THEMIS: variants seen among roughly 807,000 people sequenced by gnomAD.
THEMIS encodes the protein protein THEMIS.
A neutral mutation model predicts 52.6 loss-of-function variants in THEMIS; 37 were observed. That is an observed-to-expected ratio of 0.70 (90% CI 0.54 to 0.93). THEMIS has a LOEUF of 0.93. Ranked by LOEUF, THEMIS falls within the 40% of genes least tolerant of loss-of-function variation. THEMIS has a pLI of 0.00. For synonymous variants in THEMIS, 292 were observed against 272.7 expected (o/e 1.07, Z -0.70); for missense variants, 808 against 763.1 (o/e 1.06, Z -0.69).
At chr6:127,714,104 G>A (rs1774076228) in intron 5 of THEMIS, among the ~76,000 whole-genome samples, 1 of 151,838 alleles carries the variant, frequency 6.6e-6, no homozygotes, top group Admixed American at 6.6e-5. Context: ...TGATAAGTGA[G>A]AAGAAATGAA....
chr6:127,916,942 A>G (rs1781539664), intron 1 of THEMIS, among the ~76,000 whole-genome samples: 1 of 152,260 alleles, frequency 6.6e-6, no homozygotes, highest in Admixed American at 6.5e-5. Flanking sequence ...ATGTTAATGG[A>G]CAGTACACTT....
chr6:127,780,033 A>T (rs1776691794), intron 4 of THEMIS, among the ~76,000 whole-genome samples: 1 of 152,170 alleles, frequency 6.6e-6, no homozygotes, highest in Non-Finnish European at 1.5e-5. Flanking sequence ...GTGGGAGTCT[A>T]AGTCTCTTTG....
chr6:127,835,772 A>G (rs1778855968), intron 2 of THEMIS, among the ~76,000 whole-genome samples: 1 of 152,186 alleles, frequency 6.6e-6, no homozygotes, highest in African/African-American at 2.4e-5. Context: ...GATAATTTCC[A>G]CAGATTTCAC....
At chr6:127,833,411 G>T (rs1488904833) in intron 2 of THEMIS, among the ~76,000 whole-genome samples, 1 of 152,136 alleles carries the variant, frequency 6.6e-6, no homozygotes, top group South Asian at 2.1e-4. Context: ...GACAATGAAA[G>T]AAATATTATT....
chr6:127,754,056 A>T (rs1330198399), intron 4 of THEMIS, among the ~76,000 whole-genome samples: 2 of 152,168 alleles, frequency 1.3e-5, no homozygotes, highest in East Asian at 3.8e-4. Context: ...TATACATTGA[A>T]TATGTGCAGA....
the THEMIS span, among the ~76,000 whole-genome samples, chr6:127,698,941 A>T: frequency 2.0e-5 from 3 of 152,006 alleles, no homozygotes; most frequent in Non-Finnish European, 4.4e-5. Flanking sequence ...ATTTAAGGAG[A>T]TAATTCTAGA....
intron 1 of THEMIS, among the ~76,000 whole-genome samples, chr6:127,917,556 G>A (rs1451508659): frequency 6.6e-6 from 1 of 152,178 alleles, no homozygotes; most frequent in African/African-American, 2.4e-5. Context: ...GATGACCATT[G>A]TTTTAGGTAC....
chr6:127,917,323 A>G (rs1020351673), intron 1 of THEMIS, among the ~76,000 whole-genome samples: 2 of 152,202 alleles, frequency 1.3e-5, no homozygotes, highest in African/African-American at 2.4e-5. Flanking sequence ...AACAACTTCT[A>G]TATCAATTAG....
At position 127,799,865 on chromosome 6, in the gene THEMIS, G is replaced by A. The variant is rs532059709; in HGVS notation, c.1758+13018C>T. ...TATTCCCGAAGAAGGAGCCAATTGA[G>A]GATGATGTATTTCAGAAAATTTTTC... is the stretch of plus-strand genomic sequence containing the variant. On this transcript the variant is annotated intron_variant, in intron 4 of 5. Transcript: ENST00000368248. Among the ~76,000 whole-genome samples, 14 of 152,208 alleles carry A rather than the reference G, an allele frequency of 9.2e-5. No individual in the cohort carries two copies. The East Asian group carries it at 1.7e-3, about 19-fold the overall frequency.
chr6:127,815,756 A>C (rs961711050), intron 3 of THEMIS, among the ~76,000 whole-genome samples: 2 of 152,202 alleles, frequency 1.3e-5, no homozygotes, highest in Non-Finnish European at 2.9e-5. Flanking sequence ...AGGTTTAAGA[A>C]TTCTAGAGCT....
chr6:127,811,087 A>T (rs1192387516), intron 4 of THEMIS, among the ~76,000 whole-genome samples: 1 of 152,166 alleles, frequency 6.6e-6, no homozygotes, highest in Non-Finnish European at 1.5e-5. Flanking sequence ...AACAACAAAA[A>T]GTTTCCAGCA....
At chr6:127,729,414 G>C (rs917026650) in intron 4 of THEMIS, among the ~76,000 whole-genome samples, 4 of 152,144 alleles carry the variant, frequency 2.6e-5, no homozygotes, top group African/African-American at 9.7e-5. Context: ...AAAGCTCACA[G>C]TGGAAATCCA....
intron 1 of THEMIS, among the ~76,000 whole-genome samples, chr6:127,857,113 A>T (rs1779644342): frequency 6.6e-6 from 1 of 151,892 alleles, no homozygotes; most frequent in South Asian, 2.1e-4. Context: ...TGGCAATAGG[A>T]ATCAGAGATA....
At chr6:127,828,394 C>A (rs1265788429) in intron 3 of THEMIS, among the ~76,000 whole-genome samples, 1 of 152,074 alleles carries the variant, frequency 6.6e-6, no homozygotes, top group Non-Finnish European at 1.5e-5. Flanking sequence ...ATACTAAAAA[C>A]TCAAAACTAC....
At chr6:127,766,421 T>C (rs1313168263) in intron 4 of THEMIS, among the ~76,000 whole-genome samples, 1 of 152,224 alleles carries the variant, frequency 6.6e-6, no homozygotes, top group Non-Finnish European at 1.5e-5. Context: ...TTGATACAAA[T>C]AATGAGTTAT....
At chr6:127,824,421 G>A (rs1037386780) in intron 3 of THEMIS, among the ~76,000 whole-genome samples, 6 of 152,078 alleles carry the variant, frequency 3.9e-5, no homozygotes, top group African/African-American at 1.2e-4. Context: ...TTTGAGGAAT[G>A]CTGCAGTGAA....
At chr6:127,902,333 A>T (rs868490021), upstream of THEMIS, among the ~76,000 whole-genome samples, 3 of 149,810 alleles carry the variant, frequency 2.0e-5, no homozygotes, top group Admixed American at 6.7e-5. Flanking sequence ...TCAAAAAAAA[A>T]AAAAAAAAAA....
At chr6:127,870,229 C>G (rs1160773825) in intron 1 of THEMIS, among the ~76,000 whole-genome samples, 2 of 152,134 alleles carry the variant, frequency 1.3e-5, no homozygotes, top group African/African-American at 4.8e-5. Context: ...TAAGGGGTGG[C>G]CAAGAGAGGC....
rs1355875404 is a variant in THEMIS at position 127,710,032 on chromosome 6, G to C, written c.1895-16C>G. On this transcript the variant is annotated splice_polypyrimidine_tract_variant and intron_variant, in intron 5 of 5. Transcript: ENST00000368248. ...TTGAATGTTTCTATAAATAAAAAAA[G>C]AAGGGTTTATCAGAAATAAGTATTG... is the stretch of plus-strand genomic sequence containing the variant. 1 of 1,534,890 alleles carries C rather than the reference G, an allele frequency of 6.5e-7. No homozygotes were observed. The highest frequency in any genetic ancestry group is 2.3e-5 in the East Asian group (1 of 43,534).
Sources: gnomAD v4.1 joint callset for allele counts (sites outside exome capture counted in the v4.1 genomes callset) on GRCh38, gnomAD v4.1.1 for gene constraint, MANE v1.5 for transcripts, NCBI Gene and HGNC (gene_info 2026-07-23, HGNC 2026-07-21) for gene names.